Variants in STX18 observed in about 807,000 individuals in gnomAD.
STX18 encodes the protein syntaxin-18.
A neutral mutation model predicts 50.1 loss-of-function variants in STX18; 40 were observed. The ratio of observed to expected loss-of-function variants is 0.80; its 90% CI spans 0.62 to 1.04. STX18 has a LOEUF of 1.04. Ranked by LOEUF, STX18 falls within the 50% of genes least tolerant of loss-of-function variation. STX18 has a pLI of 0.00. For synonymous variants in STX18, 158 were observed against 151.8 expected, an observed-to-expected ratio of 1.04 and a Z score of -0.30; for missense variants, 410 against 415.8, an observed-to-expected ratio of 0.99 and a Z score of 0.12.
At chr4:4,541,117 A>G (rs1731566722) in intron 1 of STX18, among the ~76,000 whole-genome samples, 1 of 152,236 alleles carries the variant, frequency 6.6e-6, no homozygotes, top group African/African-American at 2.4e-5. Flanking sequence ...TCATTCAACA[A>G]ACATTTACTA....
At chr4:4,509,119 G>C (rs924811088) in intron 1 of STX18, among the ~76,000 whole-genome samples, 3 of 152,204 alleles carry the variant, frequency 2.0e-5, no homozygotes, top group Non-Finnish European at 4.4e-5. Context: ...TCTGCCTCTA[G>C]TTATTTGAAG....
At chr4:4,457,999 T>C (rs1377074878) in intron 3 of STX18, among the ~76,000 whole-genome samples, 1 of 152,176 alleles carries the variant, frequency 6.6e-6, no homozygotes, top group African/African-American at 2.4e-5. Flanking sequence ...CAAAGATGCC[T>C]TTCTCCTGGG....
At chr4:4,444,141 G>A (rs1374308147) in intron 5 of STX18, among the ~76,000 whole-genome samples, 1 of 152,248 alleles carries the variant, frequency 6.6e-6, no homozygotes, top group Non-Finnish European at 1.5e-5. Flanking sequence ...CTGCCATGTG[G>A]AGGTTGTTTG....
At chr4:4,427,868 C>G (rs1035434946) in intron 7 of STX18, among the ~76,000 whole-genome samples, 1 of 152,206 alleles carries the variant, frequency 6.6e-6, no homozygotes, top group African/African-American at 2.4e-5. Flanking sequence ...TGAAAAATAC[C>G]TAGTCCCTAG....
At chr4:4,477,459 C>G (rs893645366) in intron 1 of STX18, among the ~76,000 whole-genome samples, 4 of 152,126 alleles carry the variant, frequency 2.6e-5, no homozygotes, top group African/African-American at 9.7e-5. Context: ...AAAACAACAA[C>G]AAAACTTTCA....
intron 2 of STX18, among the ~76,000 whole-genome samples, chr4:4,471,053 T>TA (rs1727887665): frequency 6.6e-6 from 1 of 152,012 alleles, no homozygotes; most frequent in Non-Finnish European, 1.5e-5. Flanking sequence ...AAAAGTGCCG[T>TA]AAGAAATGAA....
At chr4:4,459,656 ATAG>A (rs765423643) in intron 2 of STX18, among the ~76,000 whole-genome samples, 169 bp from the exon 3 acceptor site, 8 of 152,204 alleles carry the variant, frequency 5.3e-5, no homozygotes, top group Non-Finnish European at 7.3e-5. Context: ...ATCTAGATAG[ATAG>A]TAGAACACAT....
In STX18 at chr4:4,420,729, T is replaced by G. The variant is rs1724900017; in HGVS notation, c.912+135A>C. 1 of 777,568 alleles carries G rather than the reference T, an allele frequency of 1.3e-6. No homozygotes were observed. Among genetic ancestry groups the G allele is most frequent in the African/African-American group, 1.7e-5 (1 of 57,808 alleles). 48.2% of individuals were successfully genotyped at this position (777,568 alleles called of 1,614,324 possible). A position where few individuals can be genotyped will look rare whatever the true frequency, so the allele number is the denominator to read the frequency against. On this transcript the variant is annotated intron_variant, in intron 10 of 10. Transcript: ENST00000306200. This position sits in a 1 kb window ranked among gnomAD's most constrained non-coding sequence, Gnocchi z 4.3. ...CTCATGAACACACGCAGCTCCGCGG[T>G]CACACAATTTTGTGATCAGCCCCGT...
At chr4:4,484,884 C>T (rs1228347919) in intron 1 of STX18, among the ~76,000 whole-genome samples, 1 of 152,178 alleles carries the variant, frequency 6.6e-6, no homozygotes, top group Non-Finnish European at 1.5e-5. Context: ...TAAGACCCAG[C>T]ATGGGCCAGG....
chr4:4,454,331 C>G (rs776448941), intron 5 of STX18, among the ~76,000 whole-genome samples: 2 of 152,212 alleles, frequency 1.3e-5, no homozygotes, highest in African/African-American at 4.8e-5. Flanking sequence ...GGCTATACTT[C>G]GCTGTCTAAA....
At position 4,420,662 on chromosome 4, in the gene STX18, T is replaced by C. The variant is rs1724892489; in HGVS notation, c.912+202A>G. 3.5e-6 allele frequency: 2 copies of C among 576,260 alleles called. No individual in the cohort carries two copies. Among genetic ancestry groups the C allele is most frequent in the Non-Finnish European group, 6.1e-6 (2 of 325,666 alleles). 35.7% of individuals were successfully genotyped at this position (576,260 alleles called of 1,614,324 possible). A position where few individuals can be genotyped will look rare whatever the true frequency, so the allele number is the denominator to read the frequency against. ...GCTCCTTTGGAGGCTGGTGAGCCAC[T>C]GCCTCTCGAAAGCAGCTGGAGGTGG... is the stretch of plus-strand genomic sequence containing the variant. On this transcript the variant is annotated intron_variant, in intron 10 of 10. Coordinates refer to ENST00000306200, the MANE Select transcript of STX18 (RefSeq NM_016930.4). This position sits in a 1 kb window ranked among gnomAD's most constrained non-coding sequence, Gnocchi z 4.3.
At chr4:4,529,526 A>C (rs553990400) in intron 1 of STX18, among the ~76,000 whole-genome samples, 6 of 152,090 alleles carry the variant, frequency 3.9e-5, no homozygotes, top group African/African-American at 1.5e-4. Flanking sequence ...AACATACTAA[A>C]GAGCAAATCC....
intron 1 of STX18, among the ~76,000 whole-genome samples, chr4:4,484,984 G>A (rs1026165691): frequency 2.6e-5 from 4 of 152,214 alleles, no homozygotes; most frequent in Admixed American, 6.5e-5. Flanking sequence ...ACCCAACTTC[G>A]CACTGCTTTG....
chr4:4,500,848 C>T (rs976926071), intron 1 of STX18, among the ~76,000 whole-genome samples: 1 of 152,074 alleles, frequency 6.6e-6, no homozygotes, highest in African/African-American at 2.4e-5. Context: ...CCAGGCTGAC[C>T]AACATGGTGA....
intron 5 of STX18, among the ~76,000 whole-genome samples, chr4:4,450,364 C>G (rs1726680588): frequency 6.6e-6 from 1 of 152,148 alleles, no homozygotes; most frequent in Admixed American, 6.5e-5. Context: ...CTCTGTTGCT[C>G]AGGCTGGAGT....
At chr4:4,440,522 G>A (rs1726050564) in intron 5 of STX18, among the ~76,000 whole-genome samples, 3 of 152,318 alleles carry the variant, frequency 2.0e-5, no homozygotes. Context: ...CCCATCCTGG[G>A]CTGTGGGAAA....
chr4:4,484,889 G>A (rs1034618631), intron 1 of STX18, among the ~76,000 whole-genome samples: 1 of 152,198 alleles, frequency 6.6e-6, no homozygotes. Flanking sequence ...CCCAGCATGG[G>A]CCAGGCACAT....
At chr4:4,458,879 C>G (rs1479198237) in intron 3 of STX18, among the ~76,000 whole-genome samples, 1 of 152,152 alleles carries the variant, frequency 6.6e-6, no homozygotes, top group Non-Finnish European at 1.5e-5. Flanking sequence ...GGCTCCAGAG[C>G]CTTCCTCCTA....
intron 1 of STX18, among the ~76,000 whole-genome samples, chr4:4,497,986 C>G (rs1729256741): frequency 6.6e-6 from 1 of 152,180 alleles, no homozygotes; most frequent in Non-Finnish European, 1.5e-5. Flanking sequence ...GGTCTATGGT[C>G]TGTCAAAGAA....
Sources: allele counts gnomAD v4.1 joint callset (sites outside exome capture counted in the v4.1 genomes callset), GRCh38; gene constraint gnomAD v4.1.1; non-coding constraint Gnocchi (gnomAD v3.1); transcripts MANE v1.5; gene names NCBI Gene and HGNC (gene_info 2026-07-23, HGNC 2026-07-21).